ATRN: variants seen among roughly 807,000 people sequenced by gnomAD.
ATRN encodes attractin-2.
Under a neutral mutation model 178.7 loss-of-function variants are expected in ATRN, and 54 were observed. The ratio of observed to expected loss-of-function variants is 0.30; its 90% CI spans 0.24 to 0.38. The LOEUF is 0.38. Among genes scored for constraint, ATRN ranks in the 10% least tolerant of loss-of-function variants. ATRN has a pLI of 1.00. For missense variants in ATRN, 1,443 were observed against 1,815.1 expected (o/e 0.79, Z 3.73); for synonymous variants, 636 against 663.0 (o/e 0.96, Z 0.63).
intron 24 of ATRN, among the ~76,000 whole-genome samples, chr20:3,606,014 C>G (rs894335188): frequency 6.6e-6 from 1 of 152,144 alleles, no homozygotes; most frequent in Non-Finnish European, 1.5e-5. Context: ...AGGACAAAAA[C>G]TATGTTGTAG....
intron 24 of ATRN, among the ~76,000 whole-genome samples, chr20:3,621,419 A>G (rs1007861175): frequency 6.6e-6 from 1 of 152,204 alleles, no homozygotes; most frequent in East Asian, 1.9e-4. Context: ...TTCCGAGTTC[A>G]GAGTTTTTCA....
chr20:3,522,545 A>C (rs2085309558), intron 1 of ATRN, among the ~76,000 whole-genome samples: 1 of 152,230 alleles, frequency 6.6e-6, no homozygotes, highest in African/African-American at 2.4e-5. Context: ...CAGATCTCCC[A>C]GCACACCACT....
intron 6 of ATRN, among the ~76,000 whole-genome samples, chr20:3,558,673 T>TA (rs35929981): frequency 6.6e-6 from 1 of 151,814 alleles, no homozygotes. Context: ...TGGCATCTTT[T>TA]AAAAAAAACT....
rs879086612 is a variant in ATRN at position 3,559,573 on chromosome 20, G to C, written c.1203+90G>C. The C allele has an allele frequency of 2.1e-5, 23 of 1,083,322 alleles. No individual in the cohort carries two copies. The South Asian group carries it at 3.4e-4, about 16-fold the overall frequency. 67.1% of individuals were successfully genotyped at this position (1,083,322 alleles called of 1,614,324 possible). On this transcript the variant is annotated intron_variant, in intron 7 of 28. Coordinates refer to ENST00000262919, the MANE Select transcript of ATRN (RefSeq NM_139321.3). ...ATAGTTGAAAAGCTACCTCAGTGTTGGTTTTTAATTGGGGAAAACTTTTTA... is the reference window on the plus strand; with the variant it reads ...ATAGTTGAAAAGCTACCTCAGTGTTCGTTTTTAATTGGGGAAAACTTTTTA...
At chr20:3,560,243 A>G (rs1568729666) in intron 7 of ATRN, among the ~76,000 whole-genome samples, 1 of 152,014 alleles carries the variant, frequency 6.6e-6, no homozygotes, top group African/African-American at 2.4e-5. Flanking sequence ...TGATAATGTG[A>G]TATTTGTCTC....
At chr20:3,540,357 T>C (rs776657195) in intron 3 of ATRN, 22 bp downstream of exon 3, 3 of 1,428,456 alleles carry the variant, frequency 2.1e-6, no homozygotes, top group Non-Finnish European at 2.9e-6. Flanking sequence ...CTTACAAGCC[T>C]TCTTTCATCG....
At chr20:3,627,179 T>C (rs2086948436) in intron 25 of ATRN, among the ~76,000 whole-genome samples, 1 of 152,236 alleles carries the variant, frequency 6.6e-6, no homozygotes, top group Non-Finnish European at 1.5e-5. Context: ...GTTAAAGTTG[T>C]GCTTCGAGGT....
rs2084768015 is a variant in ATRN, at chr20:3,490,207, G to A, written c.410+18690G>A. The A allele has an allele frequency of 3.9e-6, 6 of 1,521,678 alleles. No individual in the cohort carries two copies. The Admixed American group carries it at 1.0e-4, about 25-fold the overall frequency. The allele number at this position is 1,521,678 out of a possible 1,614,324, so 94.3% of individuals were successfully genotyped here. On this transcript the variant is annotated intron_variant, in intron 1 of 28. Transcript: ENST00000262919. Reference sequence around the variant, plus strand: ...TCTTCTACGGTCCGCCACATTTCAAGCCTAAAGCTAAGAGAGCAGATTTCA... The same window carrying A: ...TCTTCTACGGTCCGCCACATTTCAAACCTAAAGCTAAGAGAGCAGATTTCA...
In ATRN at chr20:3,643,554, G is replaced by T. The variant is rs576429554; in HGVS notation, c.4051-600G>T. Among the ~76,000 whole-genome samples the T allele has an allele frequency of 2.5e-3, 373 of 151,904 alleles. 1 individual carries two copies. The highest frequency in any genetic ancestry group is 3.5e-3 in the Non-Finnish European group (237 of 67,952). On this transcript the variant is annotated intron_variant, in intron 27 of 28. Coordinates refer to ENST00000262919, the MANE Select transcript of ATRN (RefSeq NM_139321.3). The stretch of plus-strand genomic sequence containing the variant: ...GAAAAAGAGAAGAAACTAATATAGG[G>T]GACAAATCTCATCTAAAGGCTGCAA...
rs239188 is a variant in ATRN at position 3,547,248 on chromosome 20, G to A, written c.738-36G>A. On this transcript the variant is annotated intron_variant, in intron 4 of 28. Coordinates refer to ENST00000262919, the MANE Select transcript of ATRN (RefSeq NM_139321.3). ...TATGCTAAGTTAATGGAAGCGTTGC[G>A]TTGTGTTAATGTAATTTTCCCTGCT... The A allele has an allele frequency of 1.6e-3, 2,345 of 1,497,800 alleles. 33 individuals are homozygous for A. The African/African-American group carries it at 0.028, about 18-fold the overall frequency. 92.8% of individuals were successfully genotyped at this position (1,497,800 alleles called of 1,614,324 possible).
At chr20:3,556,808 G>A (rs910996554) in intron 6 of ATRN, among the ~76,000 whole-genome samples, 6 of 151,638 alleles carry the variant, frequency 4.0e-5, no homozygotes, top group African/African-American at 1.5e-4. Flanking sequence ...TCTCTGTGTT[G>A]AGAGATGATT....
intron 19 of ATRN, among the ~76,000 whole-genome samples, chr20:3,592,654 A>T (rs549228323): frequency 9.9e-5 from 15 of 151,972 alleles, no homozygotes; most frequent in African/African-American, 3.6e-4. Flanking sequence ...CCAACTCCAA[A>T]CTCTTTGGCA....
chr20:3,497,181 T>C lies in ATRN; in HGVS notation c.410+25664T>C, dbSNP rs1448510575. ...TTTACATTTAAAGTTAATATTGTTATGTGTGAATTTGATCCTGTCATTATG... is the reference window on the plus strand; with the variant it reads ...TTTACATTTAAAGTTAATATTGTTACGTGTGAATTTGATCCTGTCATTATG... On this transcript the variant is annotated intron_variant, in intron 1 of 28. Coordinates refer to ENST00000262919, the MANE Select transcript of ATRN (RefSeq NM_139321.3). Among the ~76,000 whole-genome samples, 500 of 149,258 alleles carry C rather than the reference T, an allele frequency of 3.3e-3. 1 individual carries two copies. The highest frequency in any genetic ancestry group is 0.012 in the African/African-American group (473 of 40,476).
At chr20:3,542,140 G>A (rs983876761) in intron 3 of ATRN, among the ~76,000 whole-genome samples, 4 of 152,242 alleles carry the variant, frequency 2.6e-5, no homozygotes, top group Non-Finnish European at 5.9e-5. Flanking sequence ...AAGTGTTGGA[G>A]TGTATATGTT....
intron 1 of ATRN, among the ~76,000 whole-genome samples, chr20:3,479,027 G>A (rs1033503610): frequency 2.6e-5 from 4 of 151,142 alleles, no homozygotes; most frequent in African/African-American, 9.7e-5. Flanking sequence ...CTCCCAAGTG[G>A]CTGGGATCAC....
chr20:3,483,986 C>T (rs1278431573), intron 1 of ATRN, among the ~76,000 whole-genome samples: 1 of 152,080 alleles, frequency 6.6e-6, no homozygotes, highest in Non-Finnish European at 1.5e-5. Flanking sequence ...TGATGACTCA[C>T]ACCATAATCC....
In ATRN at chr20:3,638,168, A is replaced by T. The variant is rs77463265; in HGVS notation, c.3943-660A>T. 6.2e-3 allele frequency among the ~76,000 whole-genome samples: 947 copies of T among 152,288 alleles called. 7 individuals are homozygous for T. The highest frequency in any genetic ancestry group is 0.021 in the African/African-American group (874 of 41,550). ...TCTGGGATACATGTACAGAACATGT[A>T]GATTTGTTACATAGGTATACATGTG... is the stretch of plus-strand genomic sequence containing the variant. On this transcript the variant is annotated intron_variant, in intron 26 of 28. Transcript: ENST00000262919. The surrounding 1 kb of genome is among the most constrained non-coding windows in gnomAD (Gnocchi z 4.5).
rs564008232 is a variant in ATRN at position 3,487,793 on chromosome 20, G to A, written c.410+16276G>A. The stretch of plus-strand genomic sequence containing the variant: ...GTGGTATGTATTAGAACTCAAATGG[G>A]TGTGGGACTCGTTATGAAGTCATTG... On this transcript the variant is annotated intron_variant, in intron 1 of 28. Transcript: ENST00000262919. Among the ~76,000 whole-genome samples, 9 of 152,260 alleles carry A rather than the reference G, an allele frequency of 5.9e-5. No individual in the cohort carries two copies. In the South Asian group the frequency reaches 8.3e-4, roughly 14 times the overall value.
chr20:3,596,746 C>T lies in ATRN; in HGVS notation c.3469+317C>T, dbSNP rs187986897. On this transcript the variant is annotated intron_variant, in intron 21 of 28. Coordinates refer to ENST00000262919, the MANE Select transcript of ATRN (RefSeq NM_139321.3). ...TTATTTGCCATTACCTAGTTGGGGTCATCATATTTCGTGTTTTAGGATGTA... is the reference window on the plus strand; with the variant it reads ...TTATTTGCCATTACCTAGTTGGGGTTATCATATTTCGTGTTTTAGGATGTA... 4.6e-3 allele frequency among the ~76,000 whole-genome samples: 695 copies of T among 152,098 alleles called. 4 individuals carry two copies. Among genetic ancestry groups the T allele is most frequent in the Middle Eastern group, 0.01 (3 of 294 alleles).
Sources: gnomAD v4.1 joint callset for allele counts (sites outside exome capture counted in the v4.1 genomes callset) on GRCh38, gnomAD v4.1.1 for gene constraint, Gnocchi (gnomAD v3.1) non-coding constraint, MANE v1.5 for transcripts, NCBI Gene and HGNC (gene_info 2026-07-23, HGNC 2026-07-21) for gene names.